The following DCC variants were observed in gnomAD, a reference collection of about 807,000 sequenced individuals.
DCC encodes the protein netrin receptor DCC.
Under a neutral mutation model 172.5 loss-of-function variants are expected in DCC, and 58 were observed. The observed-to-expected ratio is 0.34, with a 90% confidence interval of 0.27 to 0.42. The LOEUF (loss-of-function observed/expected upper bound fraction) is 0.42, where lower values mean the gene tolerates loss of function less well. Among genes scored for constraint, DCC ranks in the 10% least tolerant of loss-of-function variants. DCC has a pLI of 1.00. For missense variants in DCC, 1,740 were observed against 1,791.0 expected (o/e 0.97, Z 0.51); for synonymous variants, 709 against 644.5 (o/e 1.10, Z -1.52).
chr18:53,450,276 T>C (rs2045392322), intron 22 of DCC, among the ~76,000 whole-genome samples: 2 of 152,116 alleles, frequency 1.3e-5, no homozygotes, highest in Admixed American at 6.6e-5. Flanking sequence ...AGTGCTACTA[T>C]GAACGTTTCT....
chr18:53,261,422 C>T (rs1026086610), intron 12 of DCC, among the ~76,000 whole-genome samples: 8 of 152,272 alleles, frequency 5.3e-5, no homozygotes, highest in African/African-American at 1.7e-4. Context: ...AGTGACTCAG[C>T]TATTTGGCCA....
At chr18:53,351,295 A>ATATATATAC (rs2057790301) in intron 15 of DCC, among the ~76,000 whole-genome samples, 3 of 24,162 alleles carry the variant, frequency 1.2e-4, no homozygotes, top group Non-Finnish European at 2.4e-4. Context: ...AGTACAGTAT[A>ATATATATAC]TATATATATA....
At chr18:53,048,530 CAT>C (rs1200674085) in intron 5 of DCC, among the ~76,000 whole-genome samples, 1 of 134,356 alleles carries the variant, frequency 7.4e-6, no homozygotes, top group Non-Finnish European at 1.6e-5. Flanking sequence ...TGTGTGTATA[CAT>C]ATATACACAC....
At chr18:53,420,992 A>G (rs895743041) in intron 21 of DCC, among the ~76,000 whole-genome samples, 1 of 152,112 alleles carries the variant, frequency 6.6e-6, no homozygotes, top group Admixed American at 6.6e-5. Flanking sequence ...TACTATATTT[A>G]AACATTTGAT....
At chr18:53,196,933 G>T (rs182330417) in intron 9 of DCC, among the ~76,000 whole-genome samples, 2 of 152,122 alleles carry the variant, frequency 1.3e-5, no homozygotes, top group Admixed American at 1.3e-4. Context: ...ACTATGTACA[G>T]TTCAGTCAAG....
intron 1 of DCC, among the ~76,000 whole-genome samples, chr18:52,624,552 A>G (rs1000169691): frequency 7.2e-5 from 11 of 152,208 alleles, no homozygotes; most frequent in Non-Finnish European, 1.6e-4. Flanking sequence ...ATCACAAGCT[A>G]GTGATTTCAG....
intron 1 of DCC, among the ~76,000 whole-genome samples, chr18:52,713,978 A>G (rs184505197): frequency 1.3e-5 from 2 of 152,354 alleles, no homozygotes; most frequent in East Asian, 1.9e-4. Context: ...TTTTAGGACT[A>G]CAAACTATCA....
intron 1 of DCC, among the ~76,000 whole-genome samples, chr18:52,737,359 T>C (rs186709662): frequency 6.6e-6 from 1 of 152,166 alleles, no homozygotes; most frequent in Admixed American, 6.5e-5. Flanking sequence ...TTAAAGCCAA[T>C]GAAAAAAACT....
rs981387993 is a variant in DCC at position 53,400,991 on chromosome 18, C to T, written c.2828-1795C>T. Among the ~76,000 whole-genome samples, 7 of 152,168 alleles carry T rather than the reference C, an allele frequency of 4.6e-5. No individual in the cohort carries two copies. In the East Asian group the frequency reaches 9.7e-4, roughly 21 times the overall value. The stretch of plus-strand genomic sequence containing the variant: ...TCCAGAAGTGGAAAATTCCTTATTA[C>T]GTTTGATGTATACTAATCTAAGTTA... On this transcript the variant is annotated intron_variant, in intron 18 of 28. Coordinates refer to ENST00000442544, the MANE Select transcript of DCC (RefSeq NM_005215.4).
At chr18:52,888,272 G>C (rs1568169364) in intron 2 of DCC, among the ~76,000 whole-genome samples, 1 of 152,212 alleles carries the variant, frequency 6.6e-6, no homozygotes, top group Non-Finnish European at 1.5e-5. Context: ...AAAAGATGAA[G>C]AGATTTACAC....
chr18:52,681,446 G>T (rs1002623476), intron 1 of DCC, among the ~76,000 whole-genome samples: 1 of 152,036 alleles, frequency 6.6e-6, no homozygotes, highest in African/African-American at 2.4e-5. Flanking sequence ...TGATTGACAA[G>T]AGTGAAATTT....
At position 52,572,462 on chromosome 18, in the gene DCC, C is replaced by T. The variant is rs143837033; in HGVS notation, c.92-179592C>T. On this transcript the variant is annotated intron_variant, in intron 1 of 28. Coordinates refer to ENST00000442544, the MANE Select transcript of DCC (RefSeq NM_005215.4). ...AGGTCTCCACTGATGACAGCTGAAGCATGTTTCCTGACAGAATTCTGCCTC... is the reference window on the plus strand; with the variant it reads ...AGGTCTCCACTGATGACAGCTGAAGTATGTTTCCTGACAGAATTCTGCCTC... 3.0e-3 allele frequency among the ~76,000 whole-genome samples: 460 copies of T among 152,262 alleles called. 2 individuals carry two copies. Among genetic ancestry groups the T allele is most frequent in the Non-Finnish European group, 4.5e-3 (306 of 68,026 alleles).
intron 12 of DCC, among the ~76,000 whole-genome samples, chr18:53,286,282 A>G (rs916479092): frequency 1.3e-5 from 2 of 152,096 alleles, no homozygotes; most frequent in African/African-American, 4.8e-5. Flanking sequence ...TATGGGAGGA[A>G]CCTGGTGGGA....
intron 9 of DCC, among the ~76,000 whole-genome samples, chr18:53,200,963 C>A (rs1181504731): frequency 6.6e-6 from 1 of 152,124 alleles, no homozygotes; most frequent in African/African-American, 2.4e-5. Context: ...TCCTTCTCAG[C>A]AAATTTGCCA....
chr18:52,402,518 T>C (rs1253899571), intron 1 of DCC, among the ~76,000 whole-genome samples: 1 of 152,038 alleles, frequency 6.6e-6, no homozygotes, highest in Non-Finnish European at 1.5e-5. Context: ...TTTCAAGGAA[T>C]TATTATTTCA....
At chr18:53,234,967 G>T (rs2056180250) in intron 12 of DCC, among the ~76,000 whole-genome samples, 1 of 152,098 alleles carries the variant, frequency 6.6e-6, no homozygotes, top group Non-Finnish European at 1.5e-5. Flanking sequence ...CAAACGGACA[G>T]TCATATAATT....
intron 2 of DCC, among the ~76,000 whole-genome samples, chr18:52,757,632 A>T (rs1599079901): frequency 6.6e-6 from 1 of 152,084 alleles, no homozygotes; most frequent in East Asian, 1.9e-4. Context: ...GGGTAAAGCA[A>T]TGTTGACTGC....
chr18:52,680,427 G>T (rs1323128034), intron 1 of DCC, among the ~76,000 whole-genome samples: 3 of 152,086 alleles, frequency 2.0e-5, no homozygotes, highest in African/African-American at 7.2e-5. Context: ...CTGCAGGGAA[G>T]CCCTCCTGGA....
intron 1 of DCC, among the ~76,000 whole-genome samples, chr18:52,699,582 AAAGCCT>A (rs1248617148): frequency 6.6e-6 from 1 of 152,208 alleles, no homozygotes; most frequent in Admixed American, 6.5e-5. Context: ...ATGACAAATC[AAAGCCT>A]TCTTGTTGAT....
Sources: gnomAD v4.1 joint callset for allele counts (sites outside exome capture counted in the v4.1 genomes callset) on GRCh38, gnomAD v4.1.1 for gene constraint, MANE v1.5 for transcripts, NCBI Gene and HGNC (gene_info 2026-07-23, HGNC 2026-07-21) for gene names.